Variants in ANKRD46 observed in about 807,000 individuals in gnomAD.
The protein encoded by ANKRD46 is ankyrin repeat domain 46.
Under a neutral mutation model 19.8 loss-of-function variants are expected in ANKRD46, and 13 were observed. That is an observed-to-expected ratio of 0.66 (90% CI 0.43 to 1.04). The LOEUF is 1.04. ANKRD46 is among the 50% of genes least tolerant of loss of function. The pLI is 0.00. For missense variants in ANKRD46, 185 were observed against 274.8 expected, an observed-to-expected ratio of 0.67 and a Z score of 2.31; for synonymous variants, 91 against 106.9, an observed-to-expected ratio of 0.85 and a Z score of 0.92.
At chr8:100,542,348 C>T (rs1421193473) in intron 1 of ANKRD46, among the ~76,000 whole-genome samples, 1 of 152,094 alleles carries the variant, frequency 6.6e-6, no homozygotes, top group Non-Finnish European at 1.5e-5. Flanking sequence ...GGACAGCAGA[C>T]TAAGGAGATG....
chr8:100,535,245 C>T (rs545195784), intron 1 of ANKRD46, among the ~76,000 whole-genome samples: 2 of 152,134 alleles, frequency 1.3e-5, no homozygotes, highest in Admixed American at 6.5e-5. Context: ...TAATAGCTTC[C>T]CTAAGAAGTC....
chr8:100,557,641 G>A lies in ANKRD46; in HGVS notation c.-131+2070C>T, dbSNP rs1305056122. On this transcript the variant is annotated intron_variant, in intron 1 of 4. Transcript: ENST00000335659. This position sits in a 1 kb window ranked among gnomAD's most constrained non-coding sequence, Gnocchi z 5.9. The stretch of plus-strand genomic sequence containing the variant: ...CCTTACCTGGGCCCATTAGCTCTCT[G>A]ACCTTGTCTCACCCTCCTTCCCTCC... 2.6e-5 allele frequency among the ~76,000 whole-genome samples: 4 copies of A among 152,150 alleles called. No homozygotes were observed. The highest frequency in any genetic ancestry group is 9.7e-5 in the African/African-American group (4 of 41,430).
rs1000492392 is a variant in ANKRD46 at position 100,536,493 on chromosome 8, T to C, written c.-130-3182A>G. Among the ~76,000 whole-genome samples the C allele has an allele frequency of 2.6e-5, 4 of 152,162 alleles. No homozygotes were observed. The highest frequency in any genetic ancestry group is 9.7e-5 in the African/African-American group (4 of 41,432). ...ACTCAAAAATAAGCTATTATCCTTT[T>C]CAGGCTAGACACAGCTCTGGGGAGA... is the stretch of plus-strand genomic sequence containing the variant. On this transcript the variant is annotated intron_variant, in intron 1 of 4. Coordinates refer to ENST00000335659, the MANE Select transcript of ANKRD46 (RefSeq NM_001270377.2). This position sits in a 1 kb window ranked among gnomAD's most constrained non-coding sequence, Gnocchi z 4.9.
chr8:100,515,582 T>C (rs976031893), intron 5 of ANKRD46, among the ~76,000 whole-genome samples: 5 of 149,132 alleles, frequency 3.4e-5, no homozygotes, highest in Non-Finnish European at 7.4e-5. Context: ...AACACAATAC[T>C]GACACAGTCT....
At chr8:100,515,155 T>G (rs753561213) in intron 5 of ANKRD46, among the ~76,000 whole-genome samples, 4 of 152,180 alleles carry the variant, frequency 2.6e-5, no homozygotes, top group Non-Finnish European at 4.4e-5. Flanking sequence ...AGGGCTTAAG[T>G]TGACAAATGT....
In ANKRD46 at chr8:100,536,773, C is replaced by T. The variant is rs540656014; in HGVS notation, c.-130-3462G>A. 6.6e-6 allele frequency among the ~76,000 whole-genome samples: 1 copy of T among 152,308 alleles called. No individual in the cohort carries two copies. Among genetic ancestry groups the T allele is most frequent in the Admixed American group, 6.5e-5 (1 of 15,306 alleles). On this transcript the variant is annotated intron_variant, in intron 1 of 4. Transcript: ENST00000335659. The surrounding 1 kb of genome is among the most constrained non-coding windows in gnomAD (Gnocchi z 4.9). ...CCCAAGGAACAGTGTCCATGAGGAA[C>T]AGTGTCCACTGACTGGTTCAGAGGC...
At position 100,527,202 on chromosome 8, in the gene ANKRD46, C is replaced by T. The variant is rs764775345; in HGVS notation, c.470+643G>A. Among the ~76,000 whole-genome samples, 106 of 152,258 alleles carry T rather than the reference C, an allele frequency of 7.0e-4. No individual in the cohort carries two copies. Among genetic ancestry groups the T allele is most frequent in the Non-Finnish European group, 1.1e-3 (72 of 68,012 alleles). ...CCTGTCAGTTACCACATCTTAGCTT[C>T]GATTACTCACAGGAATCCAAATTTC... On this transcript the variant is annotated intron_variant, in intron 4 of 4. Coordinates refer to ENST00000335659, the MANE Select transcript of ANKRD46 (RefSeq NM_001270377.2). The surrounding 1 kb of genome is among the most constrained non-coding windows in gnomAD (Gnocchi z 4.0).
At chr8:100,520,559 T>C (rs1586778001), downstream of ANKRD46, among the ~76,000 whole-genome samples, 1 of 152,210 alleles carries the variant, frequency 6.6e-6, no homozygotes, top group East Asian at 1.9e-4. Flanking sequence ...TTAATTGTGG[T>C]AGTTATGATC....
rs1011670341 is a variant in ANKRD46 at position 100,545,365 on chromosome 8, T to A, written c.-130-12054A>T. 5.9e-5 allele frequency among the ~76,000 whole-genome samples: 9 copies of A among 152,058 alleles called. No homozygotes were observed. Among genetic ancestry groups the A allele is most frequent in the Non-Finnish European group, 1.3e-4 (9 of 67,992 alleles). ...GGTGGTTACCCCCATGCTGTTCTCA[T>A]GATAGTGAGGGAGGGCTCATAAATA... On this transcript the variant is annotated intron_variant, in intron 1 of 4. Coordinates refer to ENST00000335659, the MANE Select transcript of ANKRD46 (RefSeq NM_001270377.2). This position sits in a 1 kb window ranked among gnomAD's most constrained non-coding sequence, Gnocchi z 4.7.
In ANKRD46 at chr8:100,511,949, C is replaced by T. The variant is rs1811553260; in HGVS notation, c.637-1310G>A. Among the ~76,000 whole-genome samples the T allele has an allele frequency of 1.3e-5, 2 of 152,282 alleles. No individual in the cohort carries two copies. Among genetic ancestry groups the T allele is most frequent in the South Asian group, 4.1e-4 (2 of 4,824 alleles). On this transcript the variant is annotated intron_variant, in intron 5 of 5. Coordinates refer to the ANKRD46 transcript ENST00000520552. The surrounding 1 kb of genome is among the most constrained non-coding windows in gnomAD (Gnocchi z 4.1). Reference sequence around the variant, plus strand: ...CTGAGTCAGAAGAATTGCTTGAACCCAGGTGGCGGAGGCTGCGGTGAGCCG... The same window carrying T: ...CTGAGTCAGAAGAATTGCTTGAACCTAGGTGGCGGAGGCTGCGGTGAGCCG...
At chr8:100,528,625 T>A (rs1364567328) in intron 3 of ANKRD46, among the ~76,000 whole-genome samples, 3 of 151,874 alleles carry the variant, frequency 2.0e-5, no homozygotes, top group Non-Finnish European at 2.9e-5. Context: ...TTACATTTTA[T>A]GAGACAAGTA....
Position 100,510,573 on chromosome 8 carries a change from G to A in ANKRD46, c.*4C>T. 1 of 1,535,416 alleles carries A rather than the reference G, an allele frequency of 6.5e-7. No individual in the cohort carries two copies. The highest frequency in any genetic ancestry group is 8.7e-7 in the Non-Finnish European group (1 of 1,146,612). On this transcript the variant is annotated 3_prime_UTR_variant, in exon 6 of 6. Transcript: ENST00000520552. This position sits in a 1 kb window ranked among gnomAD's most constrained non-coding sequence, Gnocchi z 4.9. ...CTCAGGAGCACAGGACACTGACCTAGAGATTAGATGGCCTGGATTCGGCTT... is the reference window on the plus strand; with the variant it reads ...CTCAGGAGCACAGGACACTGACCTAAAGATTAGATGGCCTGGATTCGGCTT...
chr8:100,513,634 T>A (rs956149743), intron 5 of ANKRD46, among the ~76,000 whole-genome samples: 1 of 152,230 alleles, frequency 6.6e-6, no homozygotes, highest in African/African-American at 2.4e-5. Flanking sequence ...TAAATTTGGA[T>A]TGTTCAATAA....
chr8:100,542,326 C>T (rs1256873731), intron 1 of ANKRD46, among the ~76,000 whole-genome samples: 2 of 152,132 alleles, frequency 1.3e-5, no homozygotes, highest in Non-Finnish European at 2.9e-5. Flanking sequence ...GGATATACAA[C>T]ATAAGACAAC....
chr8:100,514,581 T>C (rs955889761), intron 5 of ANKRD46, among the ~76,000 whole-genome samples: 2 of 146,830 alleles, frequency 1.4e-5, no homozygotes, highest in African/African-American at 2.7e-5. Flanking sequence ...GAAACAGTGA[T>C]AGTTTTATCC....
intron 2 of ANKRD46, among the ~76,000 whole-genome samples, chr8:100,531,766 C>T (rs1811967761): frequency 6.6e-6 from 1 of 152,142 alleles, no homozygotes; most frequent in Admixed American, 6.5e-5. Context: ...ACATCAGCCT[C>T]CTAAATAGCT....
downstream of ANKRD46, among the ~76,000 whole-genome samples, chr8:100,516,536 G>T (rs1257779445): frequency 2.0e-5 from 3 of 152,090 alleles, no homozygotes; most frequent in African/African-American, 7.2e-5. Flanking sequence ...ACTTAAGTAG[G>T]CTAAAGTGAA....
chr8:100,554,018 A>T (rs996468660), intron 1 of ANKRD46, among the ~76,000 whole-genome samples: 2 of 152,234 alleles, frequency 1.3e-5, no homozygotes, highest in Non-Finnish European at 2.9e-5. Context: ...AGAATTTATT[A>T]AAAGCACCAC....
chr8:100,532,003 A>T lies in ANKRD46; in HGVS notation c.-28+1206T>A, dbSNP rs1811971916. ...TGGCAGGCAGAAGGGGACGCACTGG[A>T]GAGGAACAGAGAAGACAGAATTAGC... On this transcript the variant is annotated intron_variant, in intron 2 of 4. Transcript: ENST00000335659. This position sits in a 1 kb window ranked among gnomAD's most constrained non-coding sequence, Gnocchi z 4.7. 6.6e-6 allele frequency among the ~76,000 whole-genome samples: 1 copy of T among 152,192 alleles called. No homozygotes were observed. The highest frequency in any genetic ancestry group is 1.5e-5 in the Non-Finnish European group (1 of 68,030).
Sources: gnomAD v4.1 joint callset for allele counts (sites outside exome capture counted in the v4.1 genomes callset) on GRCh38, gnomAD v4.1.1 for gene constraint, Gnocchi (gnomAD v3.1) non-coding constraint, MANE v1.5 for transcripts, NCBI Gene and HGNC (gene_info 2026-07-23, HGNC 2026-07-21) for gene names.